The following FCHO2 variants were observed in gnomAD, a reference collection of about 807,000 sequenced individuals.
FCHO2 encodes the protein F-BAR domain only protein 2.
In FCHO2, 43 loss-of-function variants were observed where a neutral mutation model predicts 114.1. That is an observed-to-expected ratio of 0.38 (90% confidence interval 0.30 to 0.49). The LOEUF (loss-of-function observed/expected upper bound fraction) is 0.49, where lower values mean the gene tolerates loss of function less well. FCHO2 is among the 20% of genes least tolerant of loss of function. The pLI is 0.97. For missense variants in FCHO2, 807 were observed against 950.4 expected (o/e 0.85, Z 1.98); for synonymous variants, 293 against 315.2 (o/e 0.93, Z 0.75).
At chr5:73,003,867 G>A (rs573431364) in intron 5 of FCHO2, among the ~76,000 whole-genome samples, 18 of 151,894 alleles carry the variant, frequency 1.2e-4, no homozygotes, top group African/African-American at 2.4e-4. Context: ...AACATGGTGA[G>A]TGAGACCCCA....
chr5:72,990,457 C>T, intron 3 of FCHO2, 21 bp from the exon 4 acceptor site: 1 of 1,476,272 alleles, frequency 6.8e-7, no homozygotes, highest in Non-Finnish European at 9.0e-7. Context: ...TAAGTTATTC[C>T]CATATTTTTT....
chr5:72,974,146 G>A (rs1380746513), intron 2 of FCHO2, among the ~76,000 whole-genome samples: 21 of 149,414 alleles, frequency 1.4e-4, no homozygotes, highest in African/African-American at 4.7e-4. Context: ...TTTGGAATAG[G>A]TGTGGTGTGG....
chr5:72,963,217 T>C (rs1751972492), intron 1 of FCHO2, among the ~76,000 whole-genome samples: 1 of 152,162 alleles, frequency 6.6e-6, no homozygotes, highest in Non-Finnish European at 1.5e-5. Context: ...GAAAGTATAA[T>C]ATAAGTAAAG....
chr5:73,061,228 C>T (rs541628042), intron 17 of FCHO2, among the ~76,000 whole-genome samples: 1 of 152,056 alleles, frequency 6.6e-6, no homozygotes, highest in East Asian at 1.9e-4. Context: ...TACCTTTGCT[C>T]CTCTGGGAAA....
At chr5:73,055,990 A>G (rs144347647) in intron 15 of FCHO2, 75 bp from the exon 16 acceptor site, 1 of 1,000,794 alleles carries the variant, frequency 1.0e-6, no homozygotes, top group Admixed American at 2.8e-5. Context: ...AGATATGTGT[A>G]TAGAGTTTCT....
At chr5:72,968,887 A>G (rs929584142) in intron 2 of FCHO2, among the ~76,000 whole-genome samples, 4 of 152,194 alleles carry the variant, frequency 2.6e-5, no homozygotes, top group Admixed American at 2.0e-4. Context: ...AGAAGTTTGT[A>G]GGATAAAACA....
chr5:73,018,467 TG>T (rs1755430147), intron 8 of FCHO2, among the ~76,000 whole-genome samples: 1 of 152,158 alleles, frequency 6.6e-6, no homozygotes, highest in Non-Finnish European at 1.5e-5. Flanking sequence ...ATTCTGGACT[TG>T]GTTTCAGAGC....
Position 72,979,445 on chromosome 5 carries a change from G to A in FCHO2, c.126-9982G>A, listed in dbSNP as rs1287103077. Among the ~76,000 whole-genome samples the A allele has an allele frequency of 2.5e-5, 3 of 119,764 alleles. No individual in the cohort carries two copies. In the South Asian group the frequency reaches 8.7e-4, roughly 35 times the overall value. The allele number at this position is 119,764 out of a possible 152,430, so 78.6% of individuals were successfully genotyped here. A position where few individuals can be genotyped will look rare whatever the true frequency, so the allele number is the denominator to read the frequency against. On this transcript the variant is annotated intron_variant, in intron 2 of 25. Transcript: ENST00000430046. Reference sequence around the variant, plus strand: ...CTCGCTCTGTCGCCCAGGCTGGAGTGCAGTGGCGCGATCTCGGCTCACTGC... The same window carrying A: ...CTCGCTCTGTCGCCCAGGCTGGAGTACAGTGGCGCGATCTCGGCTCACTGC...
At chr5:72,974,620 T>A (rs559567530) in intron 2 of FCHO2, among the ~76,000 whole-genome samples, 30 of 152,180 alleles carry the variant, frequency 2.0e-4, no homozygotes, top group African/African-American at 6.7e-4. Flanking sequence ...ATGGGTTTCC[T>A]GAATACAGCA....
intron 18 of FCHO2, among the ~76,000 whole-genome samples, chr5:73,066,631 T>C (rs1742348393): frequency 6.9e-6 from 1 of 143,948 alleles, no homozygotes; most frequent in Non-Finnish European, 1.5e-5. Context: ...AGAGAGCTCA[T>C]AGCTTTCACC....
At chr5:72,980,264 G>A (rs1753130844) in intron 2 of FCHO2, among the ~76,000 whole-genome samples, 2 of 152,176 alleles carry the variant, frequency 1.3e-5, no homozygotes. Flanking sequence ...TTTTCAGTGA[G>A]TTTCTTATTC....
chr5:73,066,575 C>CTTT (rs3054234), intron 18 of FCHO2, among the ~76,000 whole-genome samples: 12 of 101,450 alleles, frequency 1.2e-4, no homozygotes, highest in African/African-American at 2.1e-4. Context: ...AGTGCCTTTT[C>CTTT]TTTTTTTTTT....
intron 5 of FCHO2, among the ~76,000 whole-genome samples, chr5:73,000,910 A>C (rs966725443): frequency 6.6e-6 from 1 of 151,264 alleles, no homozygotes; most frequent in Non-Finnish European, 1.5e-5. Context: ...ACCTGGCCCA[A>C]CTTCCCTTTT....
intron 24 of FCHO2, among the ~76,000 whole-genome samples, chr5:73,086,864 A>C (rs1424807256): frequency 6.6e-6 from 1 of 152,098 alleles, no homozygotes; most frequent in African/African-American, 2.4e-5. Flanking sequence ...TATTTCGTTA[A>C]ATGCATCATG....
intron 2 of FCHO2, among the ~76,000 whole-genome samples, chr5:72,983,985 A>C (rs1221597593): frequency 6.6e-6 from 1 of 152,104 alleles, no homozygotes; most frequent in Non-Finnish European, 1.5e-5. Flanking sequence ...TGGTTGTATC[A>C]GTTTACACCA....
intron 14 of FCHO2, 27 bp downstream of exon 14, chr5:73,054,198 C>A: frequency 6.7e-7 from 1 of 1,501,342 alleles, no homozygotes; most frequent in South Asian, 1.3e-5. Context: ...ATATTTTTGC[C>A]CATTGACTTT....
chr5:73,038,733 A>G lies in FCHO2; in HGVS notation c.914+1518A>G, dbSNP rs142862845. On this transcript the variant is annotated intron_variant, in intron 10 of 25. Coordinates refer to ENST00000430046, the MANE Select transcript of FCHO2 (RefSeq NM_138782.3). The stretch of plus-strand genomic sequence containing the variant: ...ATCAAGACCAATTGCAAAGTCATCT[A>G]TATCTATAGTTATCAAATCTTCTGC... Among the ~76,000 whole-genome samples, 489 of 152,308 alleles carry G rather than the reference A, an allele frequency of 3.2e-3. 2 individuals carry two copies. In the Middle Eastern group the frequency reaches 0.034, roughly 11 times the overall value.
At chr5:73,053,363 C>T (rs62362196) in intron 13 of FCHO2, among the ~76,000 whole-genome samples, 45,323 of 151,938 alleles carry the variant, frequency 0.3, 6,990 homozygotes, top group East Asian at 0.44. Context: ...TACTATTTAA[C>T]GTTAAGATTA....
intron 8 of FCHO2, among the ~76,000 whole-genome samples, chr5:73,026,255 A>AG (rs1237266961): frequency 1.3e-5 from 2 of 152,156 alleles, no homozygotes; most frequent in Non-Finnish European, 2.9e-5. Context: ...GGAACACCTG[A>AG]GGTCAGGGGT....
Sources: allele counts gnomAD v4.1 joint callset (sites outside exome capture counted in the v4.1 genomes callset), GRCh38; gene constraint gnomAD v4.1.1; transcripts MANE v1.5; gene names NCBI Gene and HGNC (gene_info 2026-07-23, HGNC 2026-07-21).